Variants in EEPD1 observed in about 807,000 individuals in gnomAD.
EEPD1 encodes the protein endonuclease/exonuclease/phosphatase family domain-containing protein 1.
In EEPD1, 17 loss-of-function variants were observed where a neutral mutation model predicts 46.3. The observed-to-expected ratio is 0.37, with a 90% CI of 0.25 to 0.55. The LOEUF (loss-of-function observed/expected upper bound fraction) is 0.55, where lower values mean the gene tolerates loss of function less well. EEPD1 is among the 20% of genes least tolerant of loss of function. The pLI, the probability that EEPD1 is intolerant of heterozygous loss-of-function variation, is 0.83. For synonymous variants in EEPD1, 313 were observed against 315.6 expected (o/e 0.99, Z 0.09); for missense variants, 673 against 745.6 (o/e 0.90, Z 1.13).
At chr7:36,232,543 G>A (rs1363940212) in intron 2 of EEPD1, among the ~76,000 whole-genome samples, 1 of 151,282 alleles carries the variant, frequency 6.6e-6, no homozygotes, top group Non-Finnish European at 1.5e-5. Flanking sequence ...TGGTTTGTTT[G>A]TTTTTGCCCC....
chr7:36,290,744 G>A (rs925946723), intron 6 of EEPD1, among the ~76,000 whole-genome samples: 10 of 152,100 alleles, frequency 6.6e-5, no homozygotes, highest in African/African-American at 9.7e-5. Context: ...TTGGCAGATG[G>A]TCCCTCAGTG....
intron 2 of EEPD1, among the ~76,000 whole-genome samples, chr7:36,176,472 C>T (rs116367506): frequency 0.014 from 2,192 of 152,254 alleles, 60 homozygotes; most frequent in African/African-American, 0.049. Context: ...TAACGGATGT[C>T]GGAATAAAGT....
intron 2 of EEPD1, among the ~76,000 whole-genome samples, chr7:36,169,318 T>A (rs1257298126): frequency 1.3e-5 from 2 of 152,212 alleles, no homozygotes; most frequent in Non-Finnish European, 2.9e-5. Flanking sequence ...CAGATTGTTT[T>A]CCAGGGTGGC....
At chr7:36,238,853 C>T in intron 2 of EEPD1, 132 bp from the exon 3 acceptor site, 2 of 726,970 alleles carry the variant, frequency 2.8e-6, no homozygotes, top group South Asian at 4.6e-5. Context: ...AATAAAAGGT[C>T]ACCTTAAGAT....
At chr7:36,213,697 T>TAAA (rs1341511294) in intron 2 of EEPD1, among the ~76,000 whole-genome samples, 2 of 152,188 alleles carry the variant, frequency 1.3e-5, no homozygotes, top group African/African-American at 4.8e-5. Context: ...AGACCTTTCC[T>TAAA]GCCCACAGCC....
chr7:36,193,423 TGAG>T lies in EEPD1; in HGVS notation c.878+38225_878+38227del, dbSNP rs1562681072. 1.3e-5 allele frequency among the ~76,000 whole-genome samples: 2 copies of T among 151,852 alleles called. No individual in the cohort carries two copies. On this transcript the variant is annotated intron_variant, in intron 2 of 7. Coordinates refer to ENST00000242108, the MANE Select transcript of EEPD1 (RefSeq NM_030636.3). The surrounding 1 kb of genome is among the most constrained non-coding windows in gnomAD (Gnocchi z 4.9). Reference sequence around the variant, plus strand: ...AGGACAAAGGAGAGATGCAGCTAGATGAGGAGAGAACAGCCACTTCATGCCAGC... The same window carrying T: ...AGGACAAAGGAGAGATGCAGCTAGATGAGAGAACAGCCACTTCATGCCAGC...
intron 6 of EEPD1, among the ~76,000 whole-genome samples, chr7:36,293,071 A>G (rs545666597): frequency 6.6e-6 from 1 of 152,320 alleles, no homozygotes; most frequent in South Asian, 2.1e-4. Flanking sequence ...CTTTTGATAT[A>G]TATCATTAGT....
chr7:36,253,106 C>T (rs997922100), intron 3 of EEPD1, among the ~76,000 whole-genome samples: 3 of 151,928 alleles, frequency 2.0e-5, no homozygotes, highest in East Asian at 1.9e-4. Context: ...TACCCCCATA[C>T]ATTTCACTCT....
In EEPD1 at chr7:36,241,712, C is replaced by T. The variant is rs150766509; in HGVS notation, c.930+2676C>T. ...TGAAACCCGGTCTCTGCTAAAAATA[C>T]AAAACTTAGCCAGGCGGTAGTGGCA... On this transcript the variant is annotated intron_variant, in intron 3 of 7. Coordinates refer to ENST00000242108, the MANE Select transcript of EEPD1 (RefSeq NM_030636.3). Among the ~76,000 whole-genome samples, 191 of 151,986 alleles carry T rather than the reference C, an allele frequency of 1.3e-3. 5 individuals are homozygous for T. The East Asian group carries it at 0.032, about 26-fold the overall frequency.
At chr7:36,282,230 C>A (rs1335378551) in intron 4 of EEPD1, among the ~76,000 whole-genome samples, 1 of 152,224 alleles carries the variant, frequency 6.6e-6, no homozygotes, top group African/African-American at 2.4e-5. Flanking sequence ...ATAATACCAC[C>A]TTCCTTTTTT....
At chr7:36,167,772 G>GT (rs1785010675) in intron 2 of EEPD1, among the ~76,000 whole-genome samples, 1 of 152,082 alleles carries the variant, frequency 6.6e-6, no homozygotes, top group Admixed American at 6.5e-5. Flanking sequence ...CTGAAGTGCA[G>GT]TGGCGCCATC....
At chr7:36,254,983 T>C (rs1467577874) in intron 3 of EEPD1, among the ~76,000 whole-genome samples, 1 of 152,174 alleles carries the variant, frequency 6.6e-6, no homozygotes, top group Non-Finnish European at 1.5e-5. Flanking sequence ...TTGATGGGGT[T>C]GTTTGTTTAT....
intron 2 of EEPD1, among the ~76,000 whole-genome samples, chr7:36,160,441 A>C (rs1784884198): frequency 6.7e-6 from 1 of 149,600 alleles, no homozygotes; most frequent in Non-Finnish European, 1.5e-5. Context: ...GGAAGAAGCC[A>C]GGGAAAAGAA....
At chr7:36,235,809 T>C (rs1235665962) in intron 2 of EEPD1, among the ~76,000 whole-genome samples, 1 of 152,244 alleles carries the variant, frequency 6.6e-6, no homozygotes, top group Non-Finnish European at 1.5e-5. Flanking sequence ...TATGGCAAAA[T>C]GTTTATAAAT....
chr7:36,181,382 GT>G (rs1192724795), intron 2 of EEPD1, among the ~76,000 whole-genome samples: 1 of 152,180 alleles, frequency 6.6e-6, no homozygotes, highest in Non-Finnish European at 1.5e-5. Flanking sequence ...TCACCTCTGT[GT>G]TTGGTAGCTG....
intron 3 of EEPD1, among the ~76,000 whole-genome samples, chr7:36,267,936 A>G (rs1382394426): frequency 2.0e-5 from 3 of 152,210 alleles, no homozygotes; most frequent in African/African-American, 7.2e-5. Context: ...ATGCGAGGAC[A>G]CAGGAAGAAG....
rs143375375 is a variant in EEPD1 at position 36,202,883 on chromosome 7, G to A, written c.879-36102G>A. The stretch of plus-strand genomic sequence containing the variant: ...GAGTTTGGAGCCCAGCTTTTGAACC[G>A]TGTGCTGTACTGATCCCAGCTCCTG... On this transcript the variant is annotated intron_variant, in intron 2 of 7. Transcript: ENST00000242108. Among the ~76,000 whole-genome samples, 8 of 152,288 alleles carry A rather than the reference G, an allele frequency of 5.3e-5. No homozygotes were observed. The South Asian group carries it at 8.3e-4, about 16-fold the overall frequency.
chr7:36,205,670 C>T (rs574742945), intron 2 of EEPD1, among the ~76,000 whole-genome samples: 2 of 152,188 alleles, frequency 1.3e-5, no homozygotes, highest in African/African-American at 4.8e-5. Context: ...TTTTTCCCCA[C>T]GTGAAATGGC....
intron 2 of EEPD1, among the ~76,000 whole-genome samples, chr7:36,236,808 C>G (rs965532249): frequency 2.0e-5 from 3 of 152,176 alleles, no homozygotes; most frequent in Non-Finnish European, 4.4e-5. Flanking sequence ...TCTGTCAAGA[C>G]GGATCAATCA....
Sources: gnomAD v4.1 joint callset for allele counts (sites outside exome capture counted in the v4.1 genomes callset) on GRCh38, gnomAD v4.1.1 for gene constraint, Gnocchi (gnomAD v3.1) non-coding constraint, MANE v1.5 for transcripts, NCBI Gene and HGNC (gene_info 2026-07-23, HGNC 2026-07-21) for gene names.